TMEM131: variants seen among roughly 807,000 people sequenced by gnomAD.
TMEM131 encodes 2610524E03Rik.
Under a neutral mutation model 211.6 loss-of-function variants are expected in TMEM131, and 66 were observed. That is an observed-to-expected ratio of 0.31 (90% confidence interval 0.26 to 0.38). The LOEUF is 0.38. TMEM131 is among the 10% of genes least tolerant of loss of function. TMEM131 has a pLI of 1.00. For synonymous variants in TMEM131, 844 were observed against 841.3 expected (o/e 1.00, Z -0.06); for missense variants, 2,036 against 2,299.3 (o/e 0.89, Z 2.34).
Position 97,970,660 on chromosome 2 carries a change from T to C in TMEM131, c.187+24816A>G, listed in dbSNP as rs78019177. ...CAGCCTGGTGGAAGAGCAGGTGCTC[T>C]GCTGACTGGGCTTCTGGTCCCAGGA... On this transcript the variant is annotated intron_variant, in intron 1 of 40. Coordinates refer to ENST00000186436, the MANE Select transcript of TMEM131 (RefSeq NM_015348.2). Among the ~76,000 whole-genome samples the C allele has an allele frequency of 2.4e-3, 369 of 152,338 alleles. 5 individuals carry two copies. In the East Asian group the frequency reaches 0.026, roughly 11 times the overall value.
In TMEM131 at chr2:97,796,979, G is replaced by A. The variant is rs761640012; in HGVS notation, c.2878C>T (p.Leu960=). The change falls in exon 27 of 41, where the codon CTG becomes TTG. Residue 960 remains leucine (L), a synonymous_variant. Transcript: ENST00000186436. ...VSSLIIVRNN[L]TVMDAVMVQG... The stretch of plus-strand genomic sequence containing the variant: ...ACCATCACAGCATCCATCACAGTCA[G>A]GTTATTTCTATGCAAGAATGAGAAT... The A allele has an allele frequency of 3.1e-6, 5 of 1,608,968 alleles. No individual in the cohort carries two copies. The highest frequency in any genetic ancestry group is 1.6e-4 in the Middle Eastern group (1 of 6,072).
chr2:97,952,720 A>T (rs1040063041), intron 1 of TMEM131, among the ~76,000 whole-genome samples: 4 of 152,012 alleles, frequency 2.6e-5, no homozygotes, highest in Non-Finnish European at 4.4e-5. Context: ...CTACAAAAAA[A>T]TTTTAAAAAT....
At position 97,802,668 on chromosome 2, in the gene TMEM131, T is replaced by C; in HGVS notation, c.2525A>G (p.Asn842Ser). ...SPRHLKFPLT[N>S]TNCSSEEEIT... ...AATACTTACTGAGGAGCAGTTTGTA[T>C]TAGTAAGTGGAAATTTCAAGTGCCG... Residue 842 changes from asparagine to serine, a missense_variant, in exon 23 of 41, where the codon AAT becomes AGT. Asn to Ser is a conservative substitution (Grantham distance 46, BLOSUM62 1). Around this residue, in one of 3 missense-constraint regions of TMEM131, gnomAD observed 1,623 missense variants for 1,805.9 expected, o/e 0.90. Transcript: ENST00000186436. 1 of 1,612,302 alleles carries C rather than the reference T, an allele frequency of 6.2e-7. No homozygotes were observed. Among genetic ancestry groups the C allele is most frequent in the East Asian group, 2.2e-5 (1 of 44,828 alleles).
intron 4 of TMEM131, among the ~76,000 whole-genome samples, chr2:97,870,550 A>G (rs1263261769): frequency 6.6e-6 from 1 of 152,168 alleles, no homozygotes; most frequent in Non-Finnish European, 1.5e-5. Flanking sequence ...ATATTTTCGA[A>G]TAGTCTGAGG....
intron 5 of TMEM131, among the ~76,000 whole-genome samples, chr2:97,855,283 A>G (rs1673794374): frequency 6.6e-6 from 1 of 152,176 alleles, no homozygotes; most frequent in Non-Finnish European, 1.5e-5. Flanking sequence ...AAGCTAATAC[A>G]CTCAAACTTC....
At position 97,840,346 on chromosome 2, in the gene TMEM131, G is replaced by C. The variant is rs6716880; in HGVS notation, c.723+1469C>G. ...CCTGCAAGCTCCATCCTTGTGGTCT[G>C]GCCACCACAATGAGGCAGCACCCTT... On this transcript the variant is annotated intron_variant, in intron 7 of 40. Transcript: ENST00000186436. Among the ~76,000 whole-genome samples, 424 of 152,300 alleles carry C rather than the reference G, an allele frequency of 2.8e-3. 2 individuals are homozygous for C. The highest frequency in any genetic ancestry group is 9.9e-3 in the African/African-American group (410 of 41,566).
chr2:97,762,076 G>C lies in TMEM131; in HGVS notation c.4848C>G (p.Ala1616=), dbSNP rs770602895. 4 of 1,603,126 alleles carry C rather than the reference G, an allele frequency of 2.5e-6. No individual in the cohort carries two copies. Among genetic ancestry groups the C allele is most frequent in the Non-Finnish European group, 2.6e-6 (3 of 1,176,240 alleles). ...SPPAAPCPFV[A]RGSYSSIVNS... ...TGACGATGCTGCTGTAGCTGCCCCG[G>C]GCCACAAAGGGGCAGGGGGCAGCTG... is the stretch of plus-strand genomic sequence containing the variant. Residue 1616 remains alanine, a synonymous_variant, in exon 36 of 41, where the codon GCC becomes GCG. Coordinates refer to ENST00000186436, the MANE Select transcript of TMEM131 (RefSeq NM_015348.2).
intron 1 of TMEM131, among the ~76,000 whole-genome samples, chr2:97,965,670 A>C (rs1679025245): frequency 1.1e-5 from 1 of 90,866 alleles, no homozygotes; most frequent in Non-Finnish European, 2.8e-5. Flanking sequence ...TCTCACAAAC[A>C]GCACAGATTA....
At position 97,792,577 on chromosome 2, in the gene TMEM131, G is replaced by A. The variant is rs1680551479; in HGVS notation, c.3953C>T (p.Pro1318Leu). 1.9e-6 allele frequency: 3 copies of A among 1,613,316 alleles called. No individual in the cohort carries two copies. Among genetic ancestry groups the A allele is most frequent in the Non-Finnish European group, 2.5e-6 (3 of 1,179,678 alleles). ...GAGGGGGGCGGGAGACAGCCTTTCA[G>A]GCTGCGGCTCCTGGGGCTGAGGCAC... Reference protein sequence around the residue: ...PPVPQPQEPQPERLSPAPLAH... With the variant: ...PPVPQPQEPQLERLSPAPLAH... The change falls in exon 31 of 41, where the codon CCT (proline) becomes CTT (leucine). Residue 1318 changes from proline (P) to leucine (L), a missense_variant. Around this residue, in one of 3 missense-constraint regions of TMEM131, gnomAD observed 1,623 missense variants for 1,805.9 expected, o/e 0.90. Transcript: ENST00000186436.
chr2:97,761,937 AGTGGCCT>A (rs1157658214), intron 36 of TMEM131, 91 bp downstream of exon 36: 51 of 1,337,182 alleles, frequency 3.8e-5, no homozygotes, highest in Non-Finnish European at 4.7e-5. Flanking sequence ...AACACCAGAC[AGTGGCCT>A]GTGGCCGCTA....
intron 4 of TMEM131, among the ~76,000 whole-genome samples, chr2:97,865,402 G>A (rs1161065516): frequency 2.6e-5 from 4 of 152,178 alleles, no homozygotes; most frequent in Non-Finnish European, 4.4e-5. Context: ...CATTAAGTAC[G>A]ATGTCAGCCT....
Position 97,792,704 on chromosome 2 carries a change from CT to C in TMEM131, c.3825del (p.Ala1276ArgfsTer76). 6.2e-7 allele frequency: 1 copy of C among 1,614,030 alleles called. No homozygotes were observed. Among genetic ancestry groups the C allele is most frequent in the Non-Finnish European group, 8.5e-7 (1 of 1,179,896 alleles). ...TTTGCCCCTTTGGACTTTCTGCCCG[CT>C]GTATGACCTTGAGTCACTGTGTTCG... is the stretch of plus-strand genomic sequence containing the variant. ...LDSNTVTQGH[T>X]AGRKSKGAKQ... On this transcript the variant is annotated frameshift_variant, in exon 31 of 41. Transcript: ENST00000186436. LOFTEE classifies it high-confidence loss of function.
At chr2:97,798,622 G>A (rs1381702890) in intron 25 of TMEM131, among the ~76,000 whole-genome samples, 1 of 152,242 alleles carries the variant, frequency 6.6e-6, no homozygotes, top group Non-Finnish European at 1.5e-5. Context: ...TTTTCAAGTA[G>A]CAGTTGGCCA....
intron 1 of TMEM131, among the ~76,000 whole-genome samples, chr2:97,960,090 C>T (rs1678751069): frequency 1.3e-5 from 2 of 152,220 alleles, no homozygotes; most frequent in Admixed American, 1.3e-4. Context: ...AATTGGATCA[C>T]TTGCTTAATG....
intron 1 of TMEM131, among the ~76,000 whole-genome samples, chr2:97,965,260 G>GACGAGTTCTC (rs2104581244): frequency 6.6e-6 from 1 of 152,294 alleles, no homozygotes; most frequent in Non-Finnish European, 1.5e-5. Context: ...TTGAATGACT[G>GACGAGTTCTC]ACGAGTTCTC....
intron 19 of TMEM131, among the ~76,000 whole-genome samples, chr2:97,806,078 G>C (rs1232339258): frequency 1.3e-5 from 2 of 152,174 alleles, no homozygotes; most frequent in Non-Finnish European, 2.9e-5. Flanking sequence ...TTTACACCCA[G>C]GCAAGAATGC....
chr2:97,823,768 C>T (rs1682239858), intron 11 of TMEM131, among the ~76,000 whole-genome samples: 1 of 152,162 alleles, frequency 6.6e-6, no homozygotes, highest in African/African-American at 2.4e-5. Flanking sequence ...ATCCTTCTGC[C>T]TTCCTCGAGC....
intron 2 of TMEM131, among the ~76,000 whole-genome samples, chr2:97,909,478 A>G (rs766825210): frequency 4.1e-4 from 63 of 152,158 alleles, no homozygotes; most frequent in Non-Finnish European, 4.3e-4. Flanking sequence ...AGATGAGAAA[A>G]AGTAGGAAGT....
intron 22 of TMEM131, among the ~76,000 whole-genome samples, chr2:97,803,190 A>G (rs534627247): frequency 5.9e-5 from 9 of 152,342 alleles, no homozygotes; most frequent in African/African-American, 2.2e-4. Context: ...CGCAGATCCT[A>G]AAGGATCTTA....
Sources: allele counts gnomAD v4.1 joint callset (sites outside exome capture counted in the v4.1 genomes callset), GRCh38; gene constraint gnomAD v4.1.1; regional missense constraint gnomAD v4.1.1; transcripts MANE v1.5; gene names NCBI Gene and HGNC (gene_info 2026-07-23, HGNC 2026-07-21).